The following DCDC1 variants were observed in gnomAD, a reference collection of about 807,000 sequenced individuals.
DCDC1 encodes doublecortin domain-containing protein 1.
In DCDC1, 200 loss-of-function variants were observed where a neutral mutation model predicts 178.3. That is an observed-to-expected ratio of 1.12 (90% confidence interval 1.00 to 1.26). DCDC1 has a LOEUF of 1.26. DCDC1 is among the 50% of genes most tolerant of loss of function. The pLI, the probability that DCDC1 is intolerant of heterozygous loss-of-function variation, is 0.00. For synonymous variants in DCDC1, 690 were observed against 604.8 expected (o/e 1.14, Z -2.07); for missense variants, 1,983 against 1,749.2 (o/e 1.13, Z -2.38).
chr11:31,272,927 C>T (rs1945679234), intron 7 of DCDC1, among the ~76,000 whole-genome samples: 1 of 152,136 alleles, frequency 6.6e-6, no homozygotes, highest in African/African-American at 2.4e-5. Context: ...TAGGGACTCA[C>T]AAGCTGCCAA....
rs151143016 is a variant in DCDC1 at position 31,128,706 on chromosome 11, T to C, written c.1315-1067A>G. 4.0e-3 allele frequency among the ~76,000 whole-genome samples: 603 copies of C among 152,254 alleles called. 4 individuals carry two copies. The highest frequency in any genetic ancestry group is 7.2e-3 in the Non-Finnish European group (491 of 67,982). On this transcript the variant is annotated intron_variant, in intron 10 of 38. Transcript: ENST00000684477. ...AGACTTTGCACAGGTAATAAAATCT[T>C]TGTCTATAAATGAAGAATAACACTG...
intron 9 of DCDC1, among the ~76,000 whole-genome samples, chr11:31,223,098 G>A (rs563574844): frequency 2.6e-5 from 4 of 152,036 alleles, no homozygotes; most frequent in African/African-American, 7.2e-5. Flanking sequence ...GACTTACCAA[G>A]AGTTTAATAC....
intron 21 of DCDC1, among the ~76,000 whole-genome samples, chr11:30,932,979 T>G (rs532831159): frequency 8.2e-6 from 1 of 121,910 alleles, no homozygotes; most frequent in South Asian, 2.8e-4. Flanking sequence ...AAGGTCCAAG[T>G]TTATTCTTTC....
At chr11:31,242,233 T>C (rs1349411762) in intron 8 of DCDC1, among the ~76,000 whole-genome samples, 1 of 151,928 alleles carries the variant, frequency 6.6e-6, no homozygotes, top group East Asian at 1.9e-4. Flanking sequence ...GTCAAGGATT[T>C]AGGAATGCTA....
intron 18 of DCDC1, among the ~76,000 whole-genome samples, chr11:31,070,469 A>G (rs779118641): frequency 1.7e-4 from 26 of 152,164 alleles, no homozygotes; most frequent in African/African-American, 6.0e-4. Context: ...ACCAGAAGAT[A>G]AATTTTAACA....
At chr11:31,139,508 G>C (rs1963565607) in intron 9 of DCDC1, among the ~76,000 whole-genome samples, 1 of 152,078 alleles carries the variant, frequency 6.6e-6, no homozygotes, top group South Asian at 2.1e-4. Flanking sequence ...GTGTAGAAGA[G>C]AGGGACTGGA....
chr11:31,157,386 T>TATATAC (rs753985064), intron 9 of DCDC1, among the ~76,000 whole-genome samples: 65 of 142,712 alleles, frequency 4.6e-4, no homozygotes, highest in South Asian at 2.4e-3. Context: ...TATATATATA[T>TATATAC]ACATATATAT....
At chr11:31,030,841 T>C (rs1953575589) in intron 20 of DCDC1, among the ~76,000 whole-genome samples, 1 of 142,832 alleles carries the variant, frequency 7.0e-6, no homozygotes, top group Non-Finnish European at 1.5e-5. Flanking sequence ...CATAGAGAAT[T>C]GTATATTTCC....
At chr11:30,941,613 A>T (rs894363105) in intron 21 of DCDC1, among the ~76,000 whole-genome samples, 4 of 152,210 alleles carry the variant, frequency 2.6e-5, no homozygotes, top group Non-Finnish European at 1.5e-5. Flanking sequence ...TCTAAATTTT[A>T]AAAATTTTGG....
intron 21 of DCDC1, among the ~76,000 whole-genome samples, chr11:30,935,568 T>C (rs1469612635): frequency 6.6e-6 from 1 of 151,646 alleles, no homozygotes; most frequent in Non-Finnish European, 1.5e-5. Flanking sequence ...TGTTTGGGTT[T>C]TTTTGAGACA....
chr11:31,043,776 C>T (rs1363846436), intron 20 of DCDC1, among the ~76,000 whole-genome samples: 2 of 150,760 alleles, frequency 1.3e-5, no homozygotes, highest in African/African-American at 2.4e-5. Context: ...GCTGCTGAGC[C>T]GGTAATTTTG....
At chr11:31,264,968 G>T (rs951837161) in intron 8 of DCDC1, among the ~76,000 whole-genome samples, 2 of 152,034 alleles carry the variant, frequency 1.3e-5, no homozygotes, top group Non-Finnish European at 2.9e-5. Context: ...ACAAATCAGG[G>T]ACTTTTTTTT....
intron 18 of DCDC1, among the ~76,000 whole-genome samples, chr11:31,073,997 A>C (rs1193334991): frequency 6.6e-6 from 1 of 152,230 alleles, no homozygotes; most frequent in South Asian, 2.1e-4. Context: ...GTCAGGGTCC[A>C]GTAAGGAGAT....
intron 20 of DCDC1, among the ~76,000 whole-genome samples, chr11:31,063,187 A>G (rs1956048065): frequency 6.6e-6 from 1 of 152,124 alleles, no homozygotes; most frequent in Admixed American, 6.6e-5. Context: ...CGATCATTAA[A>G]AAGTCAGGAA....
chr11:31,285,953 T>C (rs1591643492), intron 7 of DCDC1, among the ~76,000 whole-genome samples: 1 of 152,258 alleles, frequency 6.6e-6, no homozygotes. Context: ...GCTATCTAAC[T>C]TCCCCCAACC....
At chr11:31,243,452 C>G (rs1977434047) in intron 8 of DCDC1, among the ~76,000 whole-genome samples, 1 of 151,606 alleles carries the variant, frequency 6.6e-6, no homozygotes, top group Non-Finnish European at 1.5e-5. Context: ...AGGTGATAAG[C>G]TTGAATGATT....
intron 8 of DCDC1, among the ~76,000 whole-genome samples, chr11:31,261,960 C>T: frequency 6.7e-6 from 1 of 148,628 alleles, no homozygotes; most frequent in Non-Finnish European, 1.5e-5. Context: ...AAATTAAACT[C>T]TCTCATTACT....
chr11:31,256,508 T>A (rs1268393223), intron 8 of DCDC1, among the ~76,000 whole-genome samples: 1 of 152,180 alleles, frequency 6.6e-6, no homozygotes, highest in Non-Finnish European at 1.5e-5. Flanking sequence ...AATACAGAAG[T>A]GCTGTTGGAG....
chr11:30,945,124 A>G (rs1056415172), intron 21 of DCDC1, among the ~76,000 whole-genome samples: 1 of 151,376 alleles, frequency 6.6e-6, no homozygotes, highest in African/African-American at 2.4e-5. Flanking sequence ...ATCTGCCACC[A>G]TGCCCGGCAA....
Sources: allele counts gnomAD v4.1 joint callset (sites outside exome capture counted in the v4.1 genomes callset), GRCh38; gene constraint gnomAD v4.1.1; transcripts MANE v1.5; gene names NCBI Gene and HGNC (gene_info 2026-07-23, HGNC 2026-07-21).